Variants in ZFAND6 observed in about 807,000 individuals in gnomAD.
ZFAND6 encodes the protein AN1-type zinc finger protein 6.
A neutral mutation model predicts 24.5 loss-of-function variants in ZFAND6; 12 were observed. The ratio of observed to expected loss-of-function variants is 0.49; its 90% CI spans 0.31 to 0.79. The LOEUF is 0.79. Ranked by LOEUF, ZFAND6 falls within the 30% of genes least tolerant of loss-of-function variation. The pLI is 0.04. For synonymous variants in ZFAND6, 92 were observed against 81.5 expected (o/e 1.13, Z -0.69); for missense variants, 207 against 245.9 (o/e 0.84, Z 1.06).
chr15:80,077,200 G>T (rs1473147679), intron 1 of ZFAND6, among the ~76,000 whole-genome samples: 1 of 152,170 alleles, frequency 6.6e-6, no homozygotes, highest in Non-Finnish European at 1.5e-5. Flanking sequence ...TGCTCATTCT[G>T]CATCCGGGTG....
At chr15:80,136,347 C>G (rs2142071482) in intron 6 of ZFAND6, among the ~76,000 whole-genome samples, 1 of 152,096 alleles carries the variant, frequency 6.6e-6, no homozygotes, top group African/African-American at 2.4e-5. Context: ...CACCTGTAAT[C>G]CCAGCTACTC....
At chr15:80,093,124 T>TG (rs2038488962) in intron 1 of ZFAND6, among the ~76,000 whole-genome samples, 1 of 151,536 alleles carries the variant, frequency 6.6e-6, no homozygotes, top group African/African-American at 2.4e-5. Flanking sequence ...CCAGCTAATT[T>TG]TTGTGTGTGT....
Position 80,137,517 on chromosome 15 carries a change from A to T in ZFAND6, c.516A>T (p.Val172=). Residue 172 remains valine, a synonymous_variant, in exon 7 of 7, where the codon GTA becomes GTT. Coordinates refer to ENST00000261749, the MANE Select transcript of ZFAND6 (RefSeq NM_019006.4). ...ECRCGNVYCG[V]HRYSDVHNCS... ...GGTGTGGAAATGTTTACTGTGGTGT[A>T]CACCGTTACTCAGATGTACACAATT... The T allele has an allele frequency of 6.2e-7, 1 of 1,606,742 alleles. No homozygotes were observed. The highest frequency in any genetic ancestry group is 1.1e-5 in the South Asian group (1 of 89,240).
chr15:80,108,479 C>T (rs929978109), intron 2 of ZFAND6, among the ~76,000 whole-genome samples: 7 of 152,128 alleles, frequency 4.6e-5, no homozygotes, highest in East Asian at 1.9e-4. Context: ...AAAATTTGAA[C>T]GGGTTCCTCT....
At chr15:80,122,932 A>C in intron 5 of ZFAND6, 132 bp downstream of exon 5, 1 of 544,890 alleles carries the variant, frequency 1.8e-6, no homozygotes, top group Non-Finnish European at 3.2e-6. Flanking sequence ...ACAATACTTT[A>C]TATCTTTAAG....
chr15:80,135,839 A>C (rs1266702981), intron 6 of ZFAND6, among the ~76,000 whole-genome samples: 1 of 151,666 alleles, frequency 6.6e-6, no homozygotes, highest in Non-Finnish European at 1.5e-5. Flanking sequence ...AAAGAATACA[A>C]ACATGGCCCA....
At chr15:80,070,016 A>G (rs1196165656) in intron 1 of ZFAND6, among the ~76,000 whole-genome samples, 1 of 152,190 alleles carries the variant, frequency 6.6e-6, no homozygotes, top group African/African-American at 2.4e-5. Flanking sequence ...AACTACTACA[A>G]TAAACCACCA....
chr15:80,091,792 G>A (rs1001463735), intron 1 of ZFAND6, among the ~76,000 whole-genome samples: 3 of 152,006 alleles, frequency 2.0e-5, no homozygotes, highest in Admixed American at 6.6e-5. Context: ...GGCACGTGAC[G>A]CCATGCCTGG....
At chr15:80,077,205 C>T (rs1176946365) in intron 1 of ZFAND6, among the ~76,000 whole-genome samples, 2 of 152,128 alleles carry the variant, frequency 1.3e-5, no homozygotes, top group South Asian at 2.1e-4. Flanking sequence ...ATTCTGCATC[C>T]GGGTGTATAA....
chr15:80,065,117 G>C (rs1033303102), intron 1 of ZFAND6, among the ~76,000 whole-genome samples: 7 of 149,122 alleles, frequency 4.7e-5, no homozygotes, highest in Non-Finnish European at 1.5e-5. Flanking sequence ...ATATTTAAAG[G>C]CTTCTCCTAC....
intron 5 of ZFAND6, 183 bp from the exon 6 acceptor site, chr15:80,130,997 A>T: frequency 2.2e-6 from 1 of 460,082 alleles, no homozygotes; most frequent in Non-Finnish European, 3.9e-6. Context: ...TTCTACATGC[A>T]TATATACATA....
chr15:80,134,002 T>C (rs1433658012), intron 6 of ZFAND6, among the ~76,000 whole-genome samples: 1 of 151,940 alleles, frequency 6.6e-6, no homozygotes, highest in Non-Finnish European at 1.5e-5. Flanking sequence ...TTTTTTTTTT[T>C]TTGAGATGGA....
At chr15:80,090,116 T>C (rs181470085) in intron 1 of ZFAND6, among the ~76,000 whole-genome samples, 1 of 152,360 alleles carries the variant, frequency 6.6e-6, no homozygotes, top group East Asian at 1.9e-4. Context: ...CCATTCCTTA[T>C]TCAAATCATA....
intron 1 of ZFAND6, among the ~76,000 whole-genome samples, chr15:80,086,846 A>G (rs912446158): frequency 1.1e-4 from 16 of 152,236 alleles, no homozygotes; most frequent in Admixed American, 7.9e-4. Flanking sequence ...GTCAGTGGTA[A>G]CCAACATTGT....
chr15:80,090,675 A>G (rs532479428), intron 1 of ZFAND6, among the ~76,000 whole-genome samples: 6 of 152,148 alleles, frequency 3.9e-5, no homozygotes, highest in Non-Finnish European at 5.9e-5. Flanking sequence ...AGCAAAAACA[A>G]CCCTGGAGAA....
At chr15:80,100,780 C>T (rs1415145908) in intron 2 of ZFAND6, among the ~76,000 whole-genome samples, 2 of 152,094 alleles carry the variant, frequency 1.3e-5, no homozygotes, top group Admixed American at 6.5e-5. Flanking sequence ...AGTTTTTGGG[C>T]TATATAAGGC....
chr15:80,123,360 C>T (rs552246163), intron 5 of ZFAND6, among the ~76,000 whole-genome samples: 37 of 152,204 alleles, frequency 2.4e-4, no homozygotes, highest in Non-Finnish European at 4.1e-4. Context: ...TGAAGGCTTT[C>T]GTAGTAGGGA....
At chr15:80,114,971 A>G (rs2039804520) in intron 2 of ZFAND6, 1 of 152,206 alleles carries the variant, frequency 6.6e-6, no homozygotes, top group Admixed American at 6.5e-5. Context: ...CAGGGATATG[A>G]TGGACTTTGA....
At chr15:80,088,654 C>T (rs561590902) in intron 1 of ZFAND6, among the ~76,000 whole-genome samples, 5 of 152,326 alleles carry the variant, frequency 3.3e-5, no homozygotes, top group African/African-American at 7.2e-5. Context: ...CAATTTCCTG[C>T]CCCTTCTTTT....
Sources: allele counts gnomAD v4.1 joint callset (sites outside exome capture counted in the v4.1 genomes callset), GRCh38; gene constraint gnomAD v4.1.1; transcripts MANE v1.5; gene names NCBI Gene and HGNC (gene_info 2026-07-23, HGNC 2026-07-21).